The following PLD5 variants were observed in gnomAD, a reference collection of about 807,000 sequenced individuals.
The protein encoded by PLD5 is inactive phospholipase D5.
Under a neutral mutation model 61.1 loss-of-function variants are expected in PLD5, and 36 were observed. The ratio of observed to expected loss-of-function variants is 0.59; its 90% confidence interval spans 0.45 to 0.78. PLD5 has a LOEUF of 0.78. Ranked by LOEUF, PLD5 falls within the 30% of genes least tolerant of loss-of-function variation. The probability of loss-of-function intolerance (pLI) is 0.00; values close to 1 mark genes in which losing one functional copy is unlikely to be tolerated. For missense variants in PLD5, 515 were observed against 644.4 expected, an observed-to-expected ratio of 0.80 and a Z score of 2.17; for synonymous variants, 243 against 242.8, an observed-to-expected ratio of 1.00 and a Z score of -0.01.
At chr1:242,291,132 A>G (rs1308761951) in intron 2 of PLD5, among the ~76,000 whole-genome samples, 5 of 152,016 alleles carry the variant, frequency 3.3e-5, no homozygotes, top group Admixed American at 6.5e-5. Flanking sequence ...TGCATTTCAC[A>G]TGCATTGTCC....
Position 242,092,877 on chromosome 1 carries a change from T to C in PLD5, c.1355-2767A>G, listed in dbSNP as rs908168900. ...GAGAACATCAGAAGGTGGTTTCTTG[T>C]CTCTCATTTTACTCCTAAAGTTTAT... On this transcript the variant is annotated intron_variant, in intron 9 of 9. Coordinates refer to ENST00000536534, the MANE Select transcript of PLD5 (RefSeq NM_001372062.1). Among the ~76,000 whole-genome samples, 6 of 152,104 alleles carry C rather than the reference T, an allele frequency of 3.9e-5. 1 individual carries two copies. Among genetic ancestry groups the C allele is most frequent in the African/African-American group, 1.4e-4 (6 of 41,412 alleles).
intron 5 of PLD5, among the ~76,000 whole-genome samples, chr1:242,129,372 T>G (rs527963544): frequency 2.0e-5 from 3 of 152,138 alleles, no homozygotes; most frequent in Non-Finnish European, 4.4e-5. Flanking sequence ...TCCTCTACCC[T>G]AGAATGACTC....
At chr1:242,112,338 T>TA (rs1236491842) in intron 7 of PLD5, among the ~76,000 whole-genome samples, 2,048 of 46,180 alleles carry the variant, frequency 0.044, 69 homozygotes, top group African/African-American at 0.22. Flanking sequence ...TATGTATATG[T>TA]GTATATATAT....
At chr1:242,422,280 G>A (rs1259591399) in intron 1 of PLD5, among the ~76,000 whole-genome samples, 10 of 152,216 alleles carry the variant, frequency 6.6e-5, no homozygotes, top group Non-Finnish European at 1.5e-4. Context: ...ATGGCAAAGA[G>A]TGTTTGGCTG....
chr1:242,476,304 G>A (rs557114896), intron 1 of PLD5, among the ~76,000 whole-genome samples: 1 of 151,916 alleles, frequency 6.6e-6, no homozygotes, highest in Admixed American at 6.5e-5. Context: ...GCAGTGAGCC[G>A]AGATTGCACC....
At chr1:242,429,512 G>A (rs1371325338) in intron 1 of PLD5, among the ~76,000 whole-genome samples, 3 of 152,136 alleles carry the variant, frequency 2.0e-5, no homozygotes, top group Non-Finnish European at 4.4e-5. Context: ...CTCCCAAAGT[G>A]CTGGGATTAC....
At chr1:242,098,746 G>T (rs1348354900) in intron 9 of PLD5, among the ~76,000 whole-genome samples, 1 of 152,142 alleles carries the variant, frequency 6.6e-6, no homozygotes, top group Non-Finnish European at 1.5e-5. Context: ...TGGTGTGGAT[G>T]TCCTTTCTGT....
At chr1:242,309,683 T>C (rs896790179) in intron 2 of PLD5, among the ~76,000 whole-genome samples, 4 of 135,860 alleles carry the variant, frequency 2.9e-5, no homozygotes, top group Admixed American at 2.3e-4. Flanking sequence ...CTATTTTTTT[T>C]ATAATTCAAA....
At chr1:242,467,941 C>G (rs1424320860) in intron 1 of PLD5, among the ~76,000 whole-genome samples, 1 of 151,940 alleles carries the variant, frequency 6.6e-6, no homozygotes, top group Non-Finnish European at 1.5e-5. Flanking sequence ...AGCAATATCT[C>G]TATGTCACAG....
intron 5 of PLD5, among the ~76,000 whole-genome samples, chr1:242,197,895 A>G (rs1269282747): frequency 6.6e-6 from 1 of 152,054 alleles, no homozygotes; most frequent in African/African-American, 2.4e-5. Context: ...CGGTCTCCCA[A>G]AGTGCTGGGA....
At chr1:242,121,358 G>A (rs1662346694) in intron 6 of PLD5, among the ~76,000 whole-genome samples, 1 of 152,110 alleles carries the variant, frequency 6.6e-6, no homozygotes, top group African/African-American at 2.4e-5. Context: ...GGGAGTTCAA[G>A]GAACTCTGTC....
intron 1 of PLD5, among the ~76,000 whole-genome samples, chr1:242,415,135 A>G (rs889535316): frequency 3.9e-5 from 6 of 152,228 alleles, no homozygotes; most frequent in Non-Finnish European, 7.3e-5. Context: ...TAGTCGTTGC[A>G]ATGTAGACTG....
Position 242,524,127 on chromosome 1 carries a change from G to A in PLD5, c.150C>T (p.Ser50=), listed in dbSNP as rs1412325456. The A allele has an allele frequency of 2.0e-6, 3 of 1,535,240 alleles. No individual in the cohort carries two copies. Among genetic ancestry groups the A allele is most frequent in the Non-Finnish European group, 2.6e-6 (3 of 1,146,468 alleles). Residue 50 remains serine, a synonymous_variant, in exon 1 of 10, where the codon AGC becomes AGT. Coordinates refer to ENST00000536534, the MANE Select transcript of PLD5 (RefSeq NM_001372062.1). Reference sequence around the variant, plus strand: ...CTTTCCTCCGAAGCCAGACGCTGGCGCTGTAGTCCTGCTGCTTGACGCTGC... The same window carrying A: ...CTTTCCTCCGAAGCCAGACGCTGGCACTGTAGTCCTGCTGCTTGACGCTGC... ...FYSSVKQQDY[S]ASVWLRRKDK...
chr1:242,477,917 G>A (rs2102957921), intron 1 of PLD5, among the ~76,000 whole-genome samples: 1 of 152,292 alleles, frequency 6.6e-6, no homozygotes, highest in African/African-American at 2.4e-5. Flanking sequence ...GTTGAATTTT[G>A]AAATGTGGTC....
chr1:242,442,708 A>G (rs1281365885), intron 1 of PLD5, among the ~76,000 whole-genome samples: 2 of 152,212 alleles, frequency 1.3e-5, no homozygotes, highest in Admixed American at 1.3e-4. Context: ...GATTAAGTAA[A>G]TCGACACTCC....
intron 1 of PLD5, among the ~76,000 whole-genome samples, chr1:242,494,115 C>G (rs7542808): frequency 0.41 from 54,402 of 131,476 alleles, 12,781 homozygotes; most frequent in East Asian, 0.62. Flanking sequence ...CCTCTCCTCC[C>G]CTCTCCTCCC....
intron 1 of PLD5, among the ~76,000 whole-genome samples, chr1:242,479,854 C>T (rs370444799): frequency 6.6e-6 from 1 of 151,126 alleles, no homozygotes; most frequent in Non-Finnish European, 1.5e-5. Context: ...CTAACCTGGC[C>T]CACATGGTGA....
chr1:242,121,513 A>C (rs1662355237), intron 6 of PLD5, among the ~76,000 whole-genome samples: 1 of 152,180 alleles, frequency 6.6e-6, no homozygotes, highest in Non-Finnish European at 1.5e-5. Flanking sequence ...ATAGAAAATA[A>C]AACAGGAAGT....
At position 242,247,047 on chromosome 1, in the gene PLD5, G is replaced by C. The variant is rs192421447; in HGVS notation, c.607+18290C>G. 4.7e-4 allele frequency among the ~76,000 whole-genome samples: 71 copies of C among 149,558 alleles called. 1 individual carries two copies. The highest frequency in any genetic ancestry group is 4.3e-3 in the East Asian group (22 of 5,086). On this transcript the variant is annotated intron_variant, in intron 4 of 9. Coordinates refer to ENST00000536534, the MANE Select transcript of PLD5 (RefSeq NM_001372062.1). The stretch of plus-strand genomic sequence containing the variant: ...CGCCCAGGCTGGAGTGCAGTGGCGC[G>C]ATCTCGACTCACTGCAAGCTCCGCC...
Sources: gnomAD v4.1 joint callset for allele counts (sites outside exome capture counted in the v4.1 genomes callset) on GRCh38, gnomAD v4.1.1 for gene constraint, MANE v1.5 for transcripts, NCBI Gene and HGNC (gene_info 2026-07-23, HGNC 2026-07-21) for gene names.